LIN28B: variants seen among roughly 807,000 people sequenced by gnomAD.
LIN28B encodes the protein protein lin-28 homolog B.
In LIN28B, 5 loss-of-function variants were observed where a neutral mutation model predicts 21.9. The ratio of observed to expected loss-of-function variants is 0.23; its 90% CI spans 0.12 to 0.48. The LOEUF (loss-of-function observed/expected upper bound fraction) is 0.48, where lower values mean the gene tolerates loss of function less well. Ranked by LOEUF, LIN28B falls within the 20% of genes least tolerant of loss-of-function variation. The probability of loss-of-function intolerance (pLI) is 0.98; values close to 1 mark genes in which losing one functional copy is unlikely to be tolerated. For missense variants in LIN28B, 245 were observed against 310.5 expected (o/e 0.79, Z 1.58); for synonymous variants, 109 against 111.3 (o/e 0.98, Z 0.13).
intron 2 of LIN28B, among the ~76,000 whole-genome samples, chr6:105,017,777 A>T (rs79612759): frequency 2.0e-5 from 3 of 152,116 alleles, no homozygotes; most frequent in African/African-American, 7.2e-5. Flanking sequence ...TTGAAAAACT[A>T]ACTATTGGGT....
chr6:105,045,095 G>A (rs568794632), intron 3 of LIN28B, among the ~76,000 whole-genome samples: 1 of 152,122 alleles, frequency 6.6e-6, no homozygotes, highest in South Asian at 2.1e-4. Flanking sequence ...GAAGAAGCAG[G>A]TAACTAATCA....
chr6:104,975,985 TG>T (rs1426448742), intron 2 of LIN28B, among the ~76,000 whole-genome samples: 1 of 152,084 alleles, frequency 6.6e-6, no homozygotes, highest in African/African-American at 2.4e-5. Flanking sequence ...CCTAGCCTAG[TG>T]TGCTATGTCC....
chr6:104,990,968 A>C (rs1582882223), intron 2 of LIN28B, among the ~76,000 whole-genome samples: 1 of 152,328 alleles, frequency 6.6e-6, no homozygotes, highest in Non-Finnish European at 1.5e-5. Context: ...TTCTTTCTAC[A>C]CAGACACAGC....
At chr6:105,004,736 T>C (rs966462868) in intron 2 of LIN28B, among the ~76,000 whole-genome samples, 1 of 152,224 alleles carries the variant, frequency 6.6e-6, no homozygotes, top group African/African-American at 2.4e-5. Flanking sequence ...TAAGTATCAT[T>C]AATATGTCTC....
chr6:105,043,341 C>CAAAAAAAAAAAAAAAAAAAA (rs57532096), intron 3 of LIN28B, among the ~76,000 whole-genome samples: 4 of 75,382 alleles, frequency 5.3e-5, no homozygotes, highest in Non-Finnish European at 9.0e-5. Flanking sequence ...GACTCTGTCT[C>CAAAAAAAAAAAAAAAAAAAA]AAAAAAAAAA....
chr6:104,950,523 T>C, intron 3 of LIN28B: 1 of 1,218,952 alleles, frequency 8.2e-7, no homozygotes, highest in Non-Finnish European at 1.0e-6. Flanking sequence ...AGTCTTTTTT[T>C]TTTTTTTTAA....
chr6:104,963,463 A>G (rs1297620406), intron 2 of LIN28B, among the ~76,000 whole-genome samples: 1 of 152,180 alleles, frequency 6.6e-6, no homozygotes, highest in Non-Finnish European at 1.5e-5. Flanking sequence ...AAGTCCTACA[A>G]AGACATTCTG....
intron 2 of LIN28B, among the ~76,000 whole-genome samples, chr6:104,974,976 C>T (rs1264722019): frequency 6.6e-6 from 1 of 152,034 alleles, no homozygotes; most frequent in Non-Finnish European, 1.5e-5. Context: ...CCTGCCACCA[C>T]ACCTGGATAA....
At chr6:105,073,477 C>T (rs770458214) in intron 3 of LIN28B, among the ~76,000 whole-genome samples, 1 of 152,078 alleles carries the variant, frequency 6.6e-6, no homozygotes, top group Non-Finnish European at 1.5e-5. Flanking sequence ...CCAAAGCTTG[C>T]ACTTCTTTCT....
At chr6:104,974,270 C>G (rs1770040442) in intron 2 of LIN28B, among the ~76,000 whole-genome samples, 1 of 151,962 alleles carries the variant, frequency 6.6e-6, no homozygotes, top group Non-Finnish European at 1.5e-5. Flanking sequence ...GTGGGCAGAT[C>G]ACCATGTCAG....
intron 3 of LIN28B, among the ~76,000 whole-genome samples, chr6:105,039,904 A>C (rs1437204153): frequency 6.6e-6 from 1 of 152,154 alleles, no homozygotes; most frequent in Non-Finnish European, 1.5e-5. Context: ...TTAGGAATAC[A>C]CTCAAACTTC....
intron 2 of LIN28B, among the ~76,000 whole-genome samples, chr6:104,972,731 C>T (rs1044859688): frequency 4.6e-5 from 7 of 151,990 alleles, no homozygotes; most frequent in Non-Finnish European, 1.0e-4. Flanking sequence ...CAGATAGATG[C>T]AGATATCTGT....
chr6:105,080,785 A>C lies in LIN28B; in HGVS notation c.*2002A>C, dbSNP rs1772529796. 1 of 152,686 alleles carries C rather than the reference A, an allele frequency of 6.5e-6. No individual in the cohort carries two copies. The highest frequency in any genetic ancestry group is 2.4e-5 in the African/African-American group (1 of 41,476). 9.5% of individuals were successfully genotyped at this position (152,686 alleles called of 1,614,324 possible). On this transcript the variant is annotated 3_prime_UTR_variant, in exon 4 of 4. Coordinates refer to ENST00000345080, the MANE Select transcript of LIN28B (RefSeq NM_001004317.4). ...TGATAAGCGTTGCTCAATTTTTAGC[A>C]GGTATAATAAGCAGGTTAACAGTAA... is the stretch of plus-strand genomic sequence containing the variant.
At chr6:104,938,922 A>T (rs1432852386) in intron 2 of LIN28B, among the ~76,000 whole-genome samples, 1 of 152,178 alleles carries the variant, frequency 6.6e-6, no homozygotes, top group Non-Finnish European at 1.5e-5. Flanking sequence ...GTGCTGGGAT[A>T]CTAACCCTGG....
At chr6:105,058,296 C>T (rs1772060485) in intron 3 of LIN28B, among the ~76,000 whole-genome samples, 1 of 152,168 alleles carries the variant, frequency 6.6e-6, no homozygotes, top group Admixed American at 6.5e-5. Flanking sequence ...TAGTTGGGAG[C>T]AGAAAAGTTA....
At chr6:105,032,010 A>C (rs1051922218) in intron 3 of LIN28B, among the ~76,000 whole-genome samples, 3 of 152,160 alleles carry the variant, frequency 2.0e-5, no homozygotes, top group African/African-American at 7.2e-5. Flanking sequence ...TGTGAATGAC[A>C]TGTAAGTGGA....
Position 104,972,241 on chromosome 6 carries a change from G to A in LIN28B, c.198+13955G>A, listed in dbSNP as rs373648716. On this transcript the variant is annotated intron_variant, in intron 2 of 3. Transcript: ENST00000345080. ...CCCACCTTGGCCTCCCAAAGTGCTG[G>A]GATTACAGGTGTGAGCCACCTTGCC... Among the ~76,000 whole-genome samples the A allele has an allele frequency of 5.9e-5, 9 of 152,184 alleles. No individual in the cohort carries two copies. In the South Asian group the frequency reaches 1.0e-3, roughly 18 times the overall value.
intron 2 of LIN28B, among the ~76,000 whole-genome samples, chr6:105,004,866 C>T (rs1202234408): frequency 6.6e-6 from 1 of 152,164 alleles, no homozygotes; most frequent in Non-Finnish European, 1.5e-5. Context: ...ACTCCTGCTC[C>T]AGTCCAGACT....
intron 3 of LIN28B, among the ~76,000 whole-genome samples, chr6:105,058,732 GTAT>G (rs1772069897): frequency 6.6e-6 from 1 of 152,118 alleles, no homozygotes; most frequent in Admixed American, 6.5e-5. Context: ...GAAATGAAGT[GTAT>G]TTTTGTATGT....
Sources: allele counts gnomAD v4.1 joint callset (sites outside exome capture counted in the v4.1 genomes callset), GRCh38; gene constraint gnomAD v4.1.1; transcripts MANE v1.5; gene names NCBI Gene and HGNC (gene_info 2026-07-23, HGNC 2026-07-21).